Variants in PRICKLE2 observed in about 807,000 individuals in gnomAD.
The protein encoded by PRICKLE2 is prickle planar cell polarity protein 2, also known as prickle-like protein 2.
A neutral mutation model predicts 81.4 loss-of-function variants in PRICKLE2; 21 were observed. The observed-to-expected ratio is 0.26, with a 90% CI of 0.18 to 0.37. The LOEUF is 0.37. Among genes scored for constraint, PRICKLE2 ranks in the 10% least tolerant of loss-of-function variants. PRICKLE2 has a pLI of 1.00. For missense variants in PRICKLE2, 940 were observed against 1,109.0 expected (o/e 0.85, Z 2.16); for synonymous variants, 456 against 421.5 (o/e 1.08, Z -1.00).
chr3:64,145,400 T>C (rs1360167577), intron 7 of PRICKLE2: 1 of 150,228 alleles, frequency 6.7e-6, no homozygotes, highest in African/African-American at 2.4e-5. Context: ...CACACACATA[T>C]ATGTTTGTAG....
chr3:64,173,200 A>T (rs1166976522), intron 2 of PRICKLE2, among the ~76,000 whole-genome samples: 1 of 152,242 alleles, frequency 6.6e-6, no homozygotes, highest in Non-Finnish European at 1.5e-5. Flanking sequence ...CACTACAAAG[A>T]TTCAATAAAA....
chr3:64,264,817 C>T (rs1005661248), intron 2 of PRICKLE2, among the ~76,000 whole-genome samples: 4 of 152,180 alleles, frequency 2.6e-5, no homozygotes, highest in South Asian at 2.1e-4. Context: ...GTCACGTATA[C>T]GCTCCCTGTG....
rs991602845 is a variant in PRICKLE2, at chr3:64,093,315, C to G, written c.*5736G>C. ...TCCCACTTTTTGGATATTGTGAATG[C>G]TGCTTTTATGAATATGGGTGTACAA... On this transcript the variant is annotated 3_prime_UTR_variant, in exon 8 of 8. Coordinates refer to ENST00000638394, the MANE Select transcript of PRICKLE2 (RefSeq NM_198859.4). The G allele has an allele frequency of 1.3e-5, 2 of 152,436 alleles. No individual in the cohort carries two copies. Among genetic ancestry groups the G allele is most frequent in the Non-Finnish European group, 2.9e-5 (2 of 68,176 alleles). 9.4% of individuals were successfully genotyped at this position (152,436 alleles called of 1,614,324 possible). A position where few individuals can be genotyped will look rare whatever the true frequency, so the allele number is the denominator to read the frequency against.
chr3:64,199,205 T>TGC (rs1158014437), intron 1 of PRICKLE2: 1 of 596,210 alleles, frequency 1.7e-6, no homozygotes, highest in African/African-American at 1.9e-5. Flanking sequence ...GCTAAGGGTG[T>TGC]TTACATGTGG....
At chr3:64,256,349 C>T (rs943083967) in intron 2 of PRICKLE2, among the ~76,000 whole-genome samples, 4 of 152,066 alleles carry the variant, frequency 2.6e-5, no homozygotes, top group South Asian at 2.1e-4. Flanking sequence ...ACCTGTATTT[C>T]GGAAAGGTTA....
At chr3:64,249,447 T>C (rs1296181971) in intron 2 of PRICKLE2, among the ~76,000 whole-genome samples, 1 of 152,188 alleles carries the variant, frequency 6.6e-6, no homozygotes, top group Non-Finnish European at 1.5e-5. Context: ...CAATCCAATG[T>C]GGGTGATAGC....
chr3:64,248,920 C>T (rs935395497), intron 2 of PRICKLE2, among the ~76,000 whole-genome samples: 4 of 151,994 alleles, frequency 2.6e-5, no homozygotes, highest in African/African-American at 9.7e-5. Flanking sequence ...AATTCCTTAC[C>T]CAAAGCTGTA....
intron 2 of PRICKLE2, among the ~76,000 whole-genome samples, chr3:64,245,728 G>A (rs113227245): frequency 3.3e-5 from 5 of 152,158 alleles, no homozygotes; most frequent in Non-Finnish European, 7.3e-5. Flanking sequence ...AACGGAATGG[G>A]CAGCTAAGCA....
chr3:64,105,784 C>G (rs1312891917), intron 7 of PRICKLE2: 1 of 152,218 alleles, frequency 6.6e-6, no homozygotes, highest in Non-Finnish European at 1.5e-5. Context: ...GAGAAGCACT[C>G]CTTTCCCCTC....
Position 64,238,977 on chromosome 3 carries a change from A to C in PRICKLE2, c.129-40010T>G, listed in dbSNP as rs150319204. Reference sequence around the variant, plus strand: ...ATCCCTGGCAGCCAGGGCAGTTTTCAGGCTGCCTGTTTATTCTTCTAGCTC... The same window carrying C: ...ATCCCTGGCAGCCAGGGCAGTTTTCCGGCTGCCTGTTTATTCTTCTAGCTC... On this transcript the variant is annotated intron_variant, in intron 2 of 8. Coordinates refer to the PRICKLE2 transcript ENST00000295902. 3.8e-3 allele frequency among the ~76,000 whole-genome samples: 582 copies of C among 152,190 alleles called. 3 individuals are homozygous for C. Among genetic ancestry groups the C allele is most frequent in the Middle Eastern group, 0.01 (3 of 294 alleles).
chr3:64,200,583 T>C (rs971938191), intron 1 of PRICKLE2: 1 of 151,798 alleles, frequency 6.6e-6, no homozygotes, highest in African/African-American at 2.4e-5. Flanking sequence ...GCCTCCCAAG[T>C]AGCTGGGACC....
At chr3:64,120,982 G>A (rs899329727) in intron 7 of PRICKLE2, among the ~76,000 whole-genome samples, 4 of 152,172 alleles carry the variant, frequency 2.6e-5, no homozygotes, top group African/African-American at 9.7e-5. Context: ...CTTGAACAGG[G>A]CCATGAAAAC....
intron 2 of PRICKLE2, among the ~76,000 whole-genome samples, chr3:64,262,531 T>C (rs1044307801): frequency 1.3e-5 from 2 of 151,554 alleles, no homozygotes; most frequent in Non-Finnish European, 2.9e-5. Flanking sequence ...GAGTCCAGTG[T>C]AACAAGAAGC....
chr3:64,106,888 T>C (rs142750463), intron 7 of PRICKLE2, among the ~76,000 whole-genome samples: 2 of 152,292 alleles, frequency 1.3e-5, no homozygotes, highest in East Asian at 3.9e-4. Context: ...CTACATCCTC[T>C]GGAGGATCTG....
At chr3:64,170,921 CA>C (rs2107061236) in intron 2 of PRICKLE2, among the ~76,000 whole-genome samples, 1 of 152,084 alleles carries the variant, frequency 6.6e-6, no homozygotes, top group Non-Finnish European at 1.5e-5. Flanking sequence ...TCAAAACCCC[CA>C]AAACAACAAC....
intron 6 of PRICKLE2, among the ~76,000 whole-genome samples, chr3:64,148,257 T>A (rs1425628487): frequency 6.6e-6 from 1 of 152,224 alleles, no homozygotes; most frequent in Non-Finnish European, 1.5e-5. Context: ...AAAAGCCAAC[T>A]CCTCTGAGAA....
At chr3:64,250,088 C>T (rs1002161413) in intron 2 of PRICKLE2, among the ~76,000 whole-genome samples, 1 of 152,186 alleles carries the variant, frequency 6.6e-6, no homozygotes, top group African/African-American at 2.4e-5. Flanking sequence ...ACTGGTCTCA[C>T]CTCTCAACCA....
At chr3:64,248,521 AGGT>A (rs967077352) in intron 2 of PRICKLE2, among the ~76,000 whole-genome samples, 6 of 152,204 alleles carry the variant, frequency 3.9e-5, no homozygotes, top group Non-Finnish European at 7.3e-5. Flanking sequence ...GCTGTCAAGA[AGGT>A]GGTGACTTGA....
chr3:64,149,665 C>T (rs2077512535), intron 6 of PRICKLE2, among the ~76,000 whole-genome samples: 1 of 152,152 alleles, frequency 6.6e-6, no homozygotes, highest in Admixed American at 6.5e-5. Flanking sequence ...GGAGACTTGT[C>T]TAAAGAGGCA....
Sources: allele counts gnomAD v4.1 joint callset (sites outside exome capture counted in the v4.1 genomes callset), GRCh38; gene constraint gnomAD v4.1.1; transcripts MANE v1.5; gene names NCBI Gene and HGNC (gene_info 2026-07-23, HGNC 2026-07-21).